The following GPR137C variants were observed in gnomAD, a reference collection of about 807,000 sequenced individuals.
GPR137C encodes the protein G protein-coupled receptor 137C.
A neutral mutation model predicts 43.4 loss-of-function variants in GPR137C; 27 were observed. That is an observed-to-expected ratio of 0.62 (90% CI 0.46 to 0.86). The LOEUF (loss-of-function observed/expected upper bound fraction) is 0.86. Ranked by LOEUF, GPR137C falls within the 40% of genes least tolerant of loss-of-function variation. GPR137C has a pLI of 0.00. For missense variants in GPR137C, 522 were observed against 534.6 expected (o/e 0.98, Z 0.23); for synonymous variants, 285 against 226.9 (o/e 1.26, Z -2.30).
intron 3 of GPR137C, among the ~76,000 whole-genome samples, chr14:52,605,489 T>C (rs2139538233): frequency 6.6e-6 from 1 of 152,340 alleles, no homozygotes; most frequent in East Asian, 1.9e-4. Context: ...ATATAATCTG[T>C]AACAAGGATT....
At chr14:52,619,569 T>A (rs1349244722) in intron 3 of GPR137C, among the ~76,000 whole-genome samples, 3 of 152,160 alleles carry the variant, frequency 2.0e-5, no homozygotes, top group African/African-American at 7.2e-5. Context: ...CTTGTCCCAT[T>A]TGAAAGATCC....
chr14:52,629,457 C>T (rs772741272), intron 3 of GPR137C, among the ~76,000 whole-genome samples: 1 of 152,108 alleles, frequency 6.6e-6, no homozygotes, highest in South Asian at 2.1e-4. Flanking sequence ...AACCAGAAAA[C>T]CCCTAAGCAA....
chr14:52,553,608 G>A lies in GPR137C; in HGVS notation c.444+17G>A. On this transcript the variant is annotated intron_variant, in intron 1 of 6. Coordinates refer to ENST00000321662, the MANE Select transcript of GPR137C (RefSeq NM_001099652.2). ...CTGGCGGAGGTAAGGCGGGAGGGCC[G>A]GCATGCGGGGCCCGGGCGGGTGCGC... 1 of 1,542,756 alleles carries A rather than the reference G, an allele frequency of 6.5e-7. No homozygotes were observed. The highest frequency in any genetic ancestry group is 8.8e-7 in the Non-Finnish European group (1 of 1,141,870).
At chr14:52,574,844 T>C (rs1320202985) in intron 1 of GPR137C, among the ~76,000 whole-genome samples, 1 of 152,198 alleles carries the variant, frequency 6.6e-6, no homozygotes, top group Admixed American at 6.5e-5. Context: ...GTGAATCTGG[T>C]GCTGCCTCTG....
At chr14:52,559,204 G>A (rs1250674404) in intron 1 of GPR137C, among the ~76,000 whole-genome samples, 20 of 151,888 alleles carry the variant, frequency 1.3e-4, no homozygotes, top group African/African-American at 3.6e-4. Flanking sequence ...GTGAAACCCC[G>A]TCTCTACTAA....
At chr14:52,571,986 A>G (rs1000264284) in intron 1 of GPR137C, among the ~76,000 whole-genome samples, 4 of 152,240 alleles carry the variant, frequency 2.6e-5, no homozygotes, top group Admixed American at 2.6e-4. Flanking sequence ...CAAATAAACT[A>G]GAATATCCAG....
intron 1 of GPR137C, among the ~76,000 whole-genome samples, chr14:52,572,693 A>C (rs932641678): frequency 6.6e-6 from 1 of 152,218 alleles, no homozygotes; most frequent in African/African-American, 2.4e-5. Flanking sequence ...GCACAAGACA[A>C]GGATGTCCTT....
At position 52,553,208 on chromosome 14, in the gene GPR137C, T is replaced by C. The variant is rs2140244186; in HGVS notation, c.61T>C (p.Ser21Pro). ...CGCCCCCGCAGCCGGCCGCGAGCCC[T>C]CCACGCCCGGCGGGGGCAGCGGAGG... ...AAAPAAGREP[S>P]TPGGGSGGGG... Residue 21 changes from serine to proline, a missense_variant, in exon 1 of 7, where the codon TCC (serine) becomes CCC (proline). By Grantham distance (74) the Ser-to-Pro change is moderately conservative (BLOSUM62 -1). Transcript: ENST00000321662. 2 of 1,259,784 alleles carry C rather than the reference T, an allele frequency of 1.6e-6. No homozygotes were observed. Among genetic ancestry groups the C allele is most frequent in the Non-Finnish European group, 2.0e-6 (2 of 1,003,414 alleles). The allele number at this position is 1,259,784 out of a possible 1,614,324, so 78.0% of individuals were successfully genotyped here. A position where few individuals can be genotyped will look rare whatever the true frequency, so the allele number is the denominator to read the frequency against.
At position 52,637,375 on chromosome 14, in the gene GPR137C, C is replaced by T. The variant is rs1594813824; in HGVS notation, c.*2260C>T. 5 of 152,236 alleles carry T rather than the reference C, an allele frequency of 3.3e-5. No homozygotes were observed. The South Asian group carries it at 1.0e-3, about 32-fold the overall frequency. 9.4% of individuals were successfully genotyped at this position (152,236 alleles called of 1,614,324 possible). ...GCACATGATGACAGTATCAAACCTT[C>T]ATTTTTGTTCATTAAAAAGTGAATT... On this transcript the variant is annotated 3_prime_UTR_variant, in exon 7 of 7. Transcript: ENST00000321662.
chr14:52,560,143 C>A (rs1043140904), intron 1 of GPR137C, among the ~76,000 whole-genome samples: 4 of 152,088 alleles, frequency 2.6e-5, no homozygotes, highest in Non-Finnish European at 5.9e-5. Flanking sequence ...GGCGACAGAA[C>A]AAGACCCTGT....
Position 52,561,510 on chromosome 14 carries a change from TC to T in GPR137C, c.444+7921del, listed in dbSNP as rs2038283437. 3.3e-5 allele frequency among the ~76,000 whole-genome samples: 5 copies of T among 152,146 alleles called. No individual in the cohort carries two copies. In the South Asian group the frequency reaches 1.0e-3, roughly 32 times the overall value. On this transcript the variant is annotated intron_variant, in intron 1 of 6. Transcript: ENST00000321662. ...ACCCAAGAGAAATGAAAGCATATGT[TC>T]CTATAAAAACTTGAACATGGATGTA... is the stretch of plus-strand genomic sequence containing the variant.
At chr14:52,596,132 T>G (rs2038851555) in intron 1 of GPR137C, among the ~76,000 whole-genome samples, 2 of 152,232 alleles carry the variant, frequency 1.3e-5, no homozygotes, top group African/African-American at 4.8e-5. Context: ...CCTATTTGCC[T>G]GGGTATCACC....
At chr14:52,632,423 G>C in intron 4 of GPR137C, 114 bp downstream of exon 4, 1 of 714,596 alleles carries the variant, frequency 1.4e-6, no homozygotes. Flanking sequence ...TCTGTCTACT[G>C]TCAGTAATCA....
At chr14:52,573,576 G>A (rs2038504644) in intron 1 of GPR137C, among the ~76,000 whole-genome samples, 4 of 152,268 alleles carry the variant, frequency 2.6e-5, no homozygotes, top group South Asian at 4.1e-4. Context: ...ATTAACTCAC[G>A]ATGGATTGAA....
intron 1 of GPR137C, among the ~76,000 whole-genome samples, chr14:52,583,773 C>T: frequency 6.6e-6 from 1 of 152,112 alleles, no homozygotes; most frequent in East Asian, 1.9e-4. Context: ...TTTCTTCCTT[C>T]TTCCCTGGTT....
intron 3 of GPR137C, 126 bp downstream of exon 3, chr14:52,600,467 G>T: frequency 1.6e-6 from 1 of 612,504 alleles, no homozygotes; most frequent in East Asian, 2.8e-5. Flanking sequence ...TTGAGACAGG[G>T]TCTCGCCATA....
At chr14:52,599,679 C>T (rs558789505) in intron 2 of GPR137C, among the ~76,000 whole-genome samples, 2 of 152,244 alleles carry the variant, frequency 1.3e-5, no homozygotes, top group African/African-American at 2.4e-5. Flanking sequence ...AGTGATCTGC[C>T]TGCCTCGGCC....
intron 3 of GPR137C, among the ~76,000 whole-genome samples, chr14:52,603,194 G>A (rs916546128): frequency 3.9e-5 from 6 of 152,100 alleles, no homozygotes; most frequent in African/African-American, 1.4e-4. Flanking sequence ...AGAACATGTA[G>A]TATATTTGTC....
In GPR137C at chr14:52,625,532, C is replaced by CTT. The variant is rs770278309; in HGVS notation, c.718-6589_718-6588dup. Among the ~76,000 whole-genome samples the CTT allele has an allele frequency of 1.1e-4, 4 of 36,058 alleles. 1 individual carries two copies. Among genetic ancestry groups the CTT allele is most frequent in the East Asian group, 7.9e-4 (1 of 1,260 alleles). 23.7% of individuals were successfully genotyped at this position (36,058 alleles called of 152,430 possible). On this transcript the variant is annotated intron_variant, in intron 3 of 6. Coordinates refer to ENST00000321662, the MANE Select transcript of GPR137C (RefSeq NM_001099652.2). ...GAAAATAGAGGAGGGAAGAACACAT[C>CTT]TTTTTTTTTTTTTTTTTTTTTTTTT... is the stretch of plus-strand genomic sequence containing the variant.
Sources: gnomAD v4.1 joint callset for allele counts (sites outside exome capture counted in the v4.1 genomes callset) on GRCh38, gnomAD v4.1.1 for gene constraint, MANE v1.5 for transcripts, NCBI Gene and HGNC (gene_info 2026-07-23, HGNC 2026-07-21) for gene names.